Variants in SLX4IP observed in about 807,000 individuals in gnomAD.
The protein encoded by SLX4IP is SLX4 interacting protein.
A neutral mutation model predicts 32.9 loss-of-function variants in SLX4IP; 34 were observed. The observed-to-expected ratio is 1.03, with a 90% CI of 0.79 to 1.38. The LOEUF is 1.38. Among genes scored for constraint, SLX4IP ranks in the 40% most tolerant of loss-of-function variants. SLX4IP has a pLI of 0.00. For missense variants in SLX4IP, 444 were observed against 479.0 expected, an observed-to-expected ratio of 0.93 and a Z score of 0.68; for synonymous variants, 172 against 171.7, an observed-to-expected ratio of 1.00 and a Z score of -0.01.
At chr20:10,607,884 A>T (rs1321241718) in intron 6 of SLX4IP, among the ~76,000 whole-genome samples, 2 of 152,220 alleles carry the variant, frequency 1.3e-5, no homozygotes, top group African/African-American at 2.4e-5. Flanking sequence ...TTTCTTAATA[A>T]TGAAATCTTC....
chr20:10,620,757 G>A (rs1037823971), intron 6 of SLX4IP, among the ~76,000 whole-genome samples: 4 of 152,080 alleles, frequency 2.6e-5, no homozygotes, highest in Admixed American at 6.5e-5. Context: ...GGGTTTCACC[G>A]TGTTAGCCAG....
chr20:10,473,933 C>T (rs2065450419), intron 2 of SLX4IP, among the ~76,000 whole-genome samples: 1 of 152,076 alleles, frequency 6.6e-6, no homozygotes, highest in South Asian at 2.1e-4. Flanking sequence ...GGCGATTCTC[C>T]TGCTTCAGCC....
intron 6 of SLX4IP, among the ~76,000 whole-genome samples, chr20:10,615,108 C>T (rs1241101365): frequency 5.9e-5 from 9 of 152,082 alleles, no homozygotes; most frequent in Admixed American, 6.5e-5. Flanking sequence ...TCAATTTGCT[C>T]GTACAGTTCA....
At chr20:10,600,922 G>C (rs1188873052) in intron 5 of SLX4IP, among the ~76,000 whole-genome samples, 1 of 152,188 alleles carries the variant, frequency 6.6e-6, no homozygotes, top group Non-Finnish European at 1.5e-5. Context: ...CATCAGCTTA[G>C]CATCACTCCA....
At chr20:10,549,049 G>A (rs751517461) in intron 2 of SLX4IP, among the ~76,000 whole-genome samples, 5 of 152,116 alleles carry the variant, frequency 3.3e-5, no homozygotes, top group Admixed American at 6.5e-5. Flanking sequence ...AGTGTTTCAC[G>A]TGAGTAACTG....
At chr20:10,480,152 G>C (rs1342334732) in intron 2 of SLX4IP, among the ~76,000 whole-genome samples, 2 of 152,204 alleles carry the variant, frequency 1.3e-5, no homozygotes, top group African/African-American at 2.4e-5. Flanking sequence ...CCAGCATTTG[G>C]GGGGCTGAGG....
At chr20:10,523,791 AAAT>A (rs1459811091) in intron 2 of SLX4IP, among the ~76,000 whole-genome samples, 8 of 152,274 alleles carry the variant, frequency 5.3e-5, no homozygotes, top group African/African-American at 1.9e-4. Flanking sequence ...GCAGACTAAA[AAAT>A]CTTTTTTTAA....
intron 2 of SLX4IP, among the ~76,000 whole-genome samples, chr20:10,458,724 G>A (rs1261607003): frequency 1.3e-5 from 2 of 152,080 alleles, no homozygotes; most frequent in Non-Finnish European, 2.9e-5. Flanking sequence ...AGTATTCCAT[G>A]GTGTATATGT....
At chr20:10,597,622 C>T (rs541133365) in intron 4 of SLX4IP, among the ~76,000 whole-genome samples, 6 of 152,278 alleles carry the variant, frequency 3.9e-5, no homozygotes, top group South Asian at 2.1e-4. Context: ...TTTAGAGGCA[C>T]TATAGTATTT....
intron 1 of SLX4IP, among the ~76,000 whole-genome samples, chr20:10,436,538 GT>G (rs1242104777): frequency 6.6e-6 from 1 of 151,998 alleles, no homozygotes; most frequent in Non-Finnish European, 1.5e-5. Flanking sequence ...TGTATTTTTA[GT>G]AGAGACAGGG....
intron 6 of SLX4IP, among the ~76,000 whole-genome samples, chr20:10,609,536 C>T (rs556150578): frequency 1.1e-4 from 17 of 152,308 alleles, no homozygotes; most frequent in African/African-American, 4.1e-4. Flanking sequence ...GGTGTGTTCT[C>T]TCTAGCTCTT....
intron 2 of SLX4IP, among the ~76,000 whole-genome samples, chr20:10,500,152 T>TG (rs397865583): frequency 1.3e-5 from 2 of 148,798 alleles, no homozygotes; most frequent in Non-Finnish European, 3.0e-5. Flanking sequence ...TTTTTTTTTT[T>TG]GAGACTGAGT....
At chr20:10,450,191 AT>A (rs34602295) in intron 1 of SLX4IP, among the ~76,000 whole-genome samples, 75,229 of 151,724 alleles carry the variant, frequency 0.5, 19,958 homozygotes, top group Non-Finnish European at 0.6. Flanking sequence ...TGGATCACAC[AT>A]TTTTTTTACC....
chr20:10,570,437 TATTGTCACACAG>T (rs2066448686), intron 4 of SLX4IP, among the ~76,000 whole-genome samples: 1 of 152,156 alleles, frequency 6.6e-6, no homozygotes, highest in Non-Finnish European at 1.5e-5. Flanking sequence ...CACAGGCTGG[TATTGTCACACAG>T]ATCGGCATGC....
At chr20:10,457,673 GTCTC>G (rs1443279590) in intron 1 of SLX4IP, among the ~76,000 whole-genome samples, 1 of 151,906 alleles carries the variant, frequency 6.6e-6, no homozygotes, top group Non-Finnish European at 1.5e-5. Context: ...TTCTTGTGAT[GTCTC>G]TCTCTGGTAT....
chr20:10,618,991 G>C (rs1485972603), intron 6 of SLX4IP, among the ~76,000 whole-genome samples: 1 of 152,090 alleles, frequency 6.6e-6, no homozygotes, highest in African/African-American at 2.4e-5. Flanking sequence ...TAGAGACAAA[G>C]GGGAGTTAAT....
At chr20:10,521,712 A>C (rs1474322872) in intron 2 of SLX4IP, among the ~76,000 whole-genome samples, 1 of 152,156 alleles carries the variant, frequency 6.6e-6, no homozygotes, top group Non-Finnish European at 1.5e-5. Context: ...ACATCCCCAA[A>C]TATGCCCATG....
intron 4 of SLX4IP, among the ~76,000 whole-genome samples, chr20:10,592,703 C>T (rs1293339222): frequency 3.1e-5 from 4 of 129,698 alleles, no homozygotes; most frequent in South Asian, 5.2e-4. Flanking sequence ...GCCATGATCT[C>T]GGCTCACTGC....
chr20:10,488,634 C>T (rs2065593900), intron 2 of SLX4IP, among the ~76,000 whole-genome samples: 1 of 152,140 alleles, frequency 6.6e-6, no homozygotes, highest in Admixed American at 6.6e-5. Flanking sequence ...TGTAAAATAA[C>T]AGTATTGGGG....
Sources: gnomAD v4.1 joint callset for allele counts (sites outside exome capture counted in the v4.1 genomes callset) on GRCh38, gnomAD v4.1.1 for gene constraint, MANE v1.5 for transcripts, NCBI Gene and HGNC (gene_info 2026-07-23, HGNC 2026-07-21) for gene names.